Variants in ARHGAP21 observed in about 807,000 individuals in gnomAD.
ARHGAP21 encodes the protein rho GTPase-activating protein 21.
ARHGAP21 carries 38 observed loss-of-function variants against 164.6 expected under a neutral mutation model. The observed-to-expected ratio is 0.23, with a 90% CI of 0.18 to 0.30. The LOEUF is 0.30. Among genes scored for constraint, ARHGAP21 ranks in the 10% least tolerant of loss-of-function variants. The probability of loss-of-function intolerance (pLI) is 1.00; values close to 1 mark genes in which losing one functional copy is unlikely to be tolerated. For missense variants in ARHGAP21, 1,822 were observed against 2,370.7 expected (o/e 0.77, Z 4.81); for synonymous variants, 766 against 857.9 (o/e 0.89, Z 1.87).
chr10:24,662,027 G>A (rs1343147867), intron 4 of ARHGAP21, among the ~76,000 whole-genome samples: 5 of 152,134 alleles, frequency 3.3e-5, no homozygotes, highest in Admixed American at 2.0e-4. Context: ...GGTAGGTGGA[G>A]CACTAGGACT....
intron 2 of ARHGAP21, among the ~76,000 whole-genome samples, chr10:24,691,726 T>A (rs1842777947): frequency 6.6e-6 from 1 of 152,184 alleles, no homozygotes; most frequent in Non-Finnish European, 1.5e-5. Flanking sequence ...ATAGGCAATA[T>A]TTTTACACAG....
intron 4 of ARHGAP21, among the ~76,000 whole-genome samples, chr10:24,663,457 T>A (rs995701951): frequency 6.6e-6 from 1 of 152,198 alleles, no homozygotes; most frequent in Non-Finnish European, 1.5e-5. Context: ...CCACAATGCT[T>A]TGGTGCCCAT....
At chr10:24,702,451 T>C (rs1372267140) in intron 2 of ARHGAP21, among the ~76,000 whole-genome samples, 2 of 152,122 alleles carry the variant, frequency 1.3e-5, no homozygotes, top group African/African-American at 4.8e-5. Flanking sequence ...TTCTTAATTG[T>C]GGTATGGGAA....
At chr10:24,708,871 T>C (rs1316428864) in intron 2 of ARHGAP21, among the ~76,000 whole-genome samples, 3 of 152,236 alleles carry the variant, frequency 2.0e-5, no homozygotes, top group Non-Finnish European at 4.4e-5. Flanking sequence ...TCCATATCTT[T>C]GCTACTGTGA....
At chr10:24,646,309 A>C (rs1837565532) in intron 4 of ARHGAP21, among the ~76,000 whole-genome samples, 1 of 152,146 alleles carries the variant, frequency 6.6e-6, no homozygotes, top group African/African-American at 2.4e-5. Flanking sequence ...TCTATGATTA[A>C]GGTCTTAAGT....
intron 4 of ARHGAP21, chr10:24,648,746 T>A: frequency 1.1e-6 from 1 of 932,122 alleles, no homozygotes; most frequent in Non-Finnish European, 1.3e-6. Flanking sequence ...GCCATCGCAC[T>A]CCAGCCTAAG....
At chr10:24,595,690 TG>T in intron 19 of ARHGAP21, 26 bp downstream of exon 19, 1 of 1,586,202 alleles carries the variant, frequency 6.3e-7, no homozygotes, top group Non-Finnish European at 8.6e-7. Flanking sequence ...CCATTTCATC[TG>T]GTATCTTTCA....
At chr10:24,603,177 A>G (rs1222872640) in intron 12 of ARHGAP21, among the ~76,000 whole-genome samples, 2 of 152,186 alleles carry the variant, frequency 1.3e-5, no homozygotes, top group Non-Finnish European at 2.9e-5. Flanking sequence ...GCATTCCAAC[A>G]TTTAAATATC....
In ARHGAP21 at chr10:24,602,029, A is replaced by G; in HGVS notation, c.2796T>C (p.Ala932=). 1 of 1,612,468 alleles carries G rather than the reference A, an allele frequency of 6.2e-7. No individual in the cohort carries two copies. Among genetic ancestry groups the G allele is most frequent in the Non-Finnish European group, 8.5e-7 (1 of 1,179,904 alleles). Residue 932 remains alanine (A), a synonymous_variant, in exon 13 of 26, where the codon GCT becomes GCC. Transcript: ENST00000396432. ...GGAAATGAAGCCACCCTTCCTTGGCAGCATCACTGAAGACCTCTGAGGAAG... is the reference window on the plus strand; with the variant it reads ...GGAAATGAAGCCACCCTTCCTTGGCGGCATCACTGAAGACCTCTGAGGAAG... ...KDSSSEVFSD[A]AKEGWLHFRP...
chr10:24,647,702 C>T (rs915536799), intron 4 of ARHGAP21, among the ~76,000 whole-genome samples: 3 of 152,170 alleles, frequency 2.0e-5, no homozygotes, highest in Non-Finnish European at 2.9e-5. Context: ...CAGGTACTTA[C>T]TAGGCACTGA....
intron 3 of ARHGAP21, 80 bp downstream of exon 3, chr10:24,670,138 G>T: frequency 1.0e-6 from 1 of 954,186 alleles, no homozygotes; most frequent in African/African-American, 1.7e-5. Context: ...AGGCCATAGG[G>T]AAGGGTAAGA....
chr10:24,592,257 CTTA>C (rs780813035), intron 21 of ARHGAP21, among the ~76,000 whole-genome samples: 3 of 138,014 alleles, frequency 2.2e-5, no homozygotes, highest in Non-Finnish European at 4.5e-5. Context: ...TCGATAGAAT[CTTA>C]TTATGTTGCC....
In ARHGAP21 at chr10:24,601,983, C is replaced by T. The variant is rs2076833980; in HGVS notation, c.2842G>A (p.Gly948Ser). 2 of 1,610,788 alleles carry T rather than the reference C, an allele frequency of 1.2e-6. No individual in the cohort carries two copies. Residue 948 changes from glycine (G) to serine (S), a missense_variant, in exon 13 of 26, where the codon GGC (glycine) becomes AGC (serine). Physicochemically the swap from Gly to Ser is moderately conservative, Grantham distance 56. Transcript: ENST00000396432. ...LHFRPLVTDK[G>S]KRVGGSIRPW... ...TGGCTTAGAAAACACACTACCTTGC[C>T]CTTATCGGTGACAAGGGGTCGGAAA...
chr10:24,591,025 C>T, intron 24 of ARHGAP21, 200 bp downstream of exon 24: 1 of 632,474 alleles, frequency 1.6e-6, no homozygotes, highest in Non-Finnish European at 2.0e-6. Context: ...ATTACAACTG[C>T]ATGCACTGCC....
intron 16 of ARHGAP21, 142 bp from the exon 17 acceptor site, chr10:24,597,024 T>C (rs2076612560): frequency 1.1e-6 from 1 of 881,332 alleles, no homozygotes; most frequent in East Asian, 3.1e-5. Context: ...AACAAAAATA[T>C]GTTCTCTTCC....
intron 4 of ARHGAP21, among the ~76,000 whole-genome samples, chr10:24,656,096 G>A (rs1194920945): frequency 1.8e-4 from 26 of 146,710 alleles, no homozygotes; most frequent in African/African-American, 5.9e-4. Context: ...CTCTCCGCCC[G>A]GCAGCCACCC....
intron 13 of ARHGAP21, 67 bp from the exon 14 acceptor site, chr10:24,600,997 A>G: frequency 2.0e-6 from 3 of 1,535,702 alleles, no homozygotes; most frequent in South Asian, 1.2e-5. Flanking sequence ...GGATAAGCAC[A>G]TTAAGCAACA....
intron 11 of ARHGAP21, among the ~76,000 whole-genome samples, chr10:24,605,021 T>C (rs562880007): frequency 2.0e-5 from 3 of 152,344 alleles, no homozygotes; most frequent in South Asian, 2.1e-4. Flanking sequence ...AGTTTTAAGA[T>C]GTTACTAAAG....
At chr10:24,682,600 A>G (rs1036934367) in intron 2 of ARHGAP21, among the ~76,000 whole-genome samples, 3 of 152,168 alleles carry the variant, frequency 2.0e-5, no homozygotes, top group Non-Finnish European at 4.4e-5. Context: ...CACTGAGAGA[A>G]AAGACTCTTG....
Sources: allele counts gnomAD v4.1 joint callset (sites outside exome capture counted in the v4.1 genomes callset), GRCh38; gene constraint gnomAD v4.1.1; transcripts MANE v1.5; gene names NCBI Gene and HGNC (gene_info 2026-07-23, HGNC 2026-07-21).